Variants in CADM1 observed in about 807,000 individuals in gnomAD.
CADM1 encodes the protein cell adhesion molecule 1.
Under a neutral mutation model 53.1 loss-of-function variants are expected in CADM1, and 15 were observed. The ratio of observed to expected loss-of-function variants is 0.28; its 90% CI spans 0.19 to 0.44. The LOEUF is 0.44. Ranked by LOEUF, CADM1 falls within the 20% of genes least tolerant of loss-of-function variation. CADM1 has a pLI of 1.00. For synonymous variants in CADM1, 281 were observed against 243.0 expected (o/e 1.16, Z -1.45); for missense variants, 434 against 611.3 (o/e 0.71, Z 3.06).
chr11:115,423,211 A>G (rs1306385041), intron 1 of CADM1, among the ~76,000 whole-genome samples: 1 of 152,198 alleles, frequency 6.6e-6, no homozygotes, highest in East Asian at 1.9e-4. Flanking sequence ...CTACATTTCC[A>G]TTAAGTGACA....
chr11:115,440,536 C>T (rs1378879766), intron 1 of CADM1, among the ~76,000 whole-genome samples: 3 of 152,174 alleles, frequency 2.0e-5, no homozygotes, highest in African/African-American at 7.2e-5. Flanking sequence ...CAATAAGATG[C>T]TTTACTACTT....
intron 1 of CADM1, among the ~76,000 whole-genome samples, chr11:115,312,816 G>A (rs1021105543): frequency 7.9e-5 from 12 of 152,220 alleles, no homozygotes; most frequent in Middle Eastern, 3.4e-3. Context: ...TTGTGGGAAC[G>A]TAGCAGAAGA....
chr11:115,364,098 C>T (rs555764022), intron 1 of CADM1, among the ~76,000 whole-genome samples: 56 of 152,028 alleles, frequency 3.7e-4, no homozygotes, highest in Non-Finnish European at 7.5e-4. Context: ...TGCCTAACAA[C>T]GCATTTCTCA....
intron 1 of CADM1, among the ~76,000 whole-genome samples, chr11:115,438,384 T>C (rs17451087): frequency 0.13 from 19,063 of 152,130 alleles, 1,581 homozygotes; most frequent in Non-Finnish European, 0.18. Context: ...ACATCTACCT[T>C]GTGCGCACAC....
chr11:115,253,124 G>A (rs1288889754), intron 1 of CADM1, among the ~76,000 whole-genome samples: 3 of 152,192 alleles, frequency 2.0e-5, no homozygotes, highest in Middle Eastern at 3.4e-3. Context: ...ATCTCATAAC[G>A]TTTTAAGAAA....
In CADM1 at chr11:115,449,061, T is replaced by C. The variant is rs1254442027; in HGVS notation, c.124+55210A>G. 2.6e-5 allele frequency among the ~76,000 whole-genome samples: 4 copies of C among 152,280 alleles called. No individual in the cohort carries two copies. The East Asian group carries it at 7.7e-4, about 29-fold the overall frequency. ...AAGAGGGAAAAAATATCTCATCATC[T>C]TTTATGCAGGCACCTTGTCCAATTT... On this transcript the variant is annotated intron_variant, in intron 1 of 11. Transcript: ENST00000331581.
intron 8 of CADM1, among the ~76,000 whole-genome samples, chr11:115,206,401 T>G (rs1178147441): frequency 6.6e-6 from 1 of 152,082 alleles, no homozygotes; most frequent in Non-Finnish European, 1.5e-5. Flanking sequence ...CTCCCACCCA[T>G]GAGGGGTATG....
intron 1 of CADM1, among the ~76,000 whole-genome samples, chr11:115,252,101 A>C (rs574680512): frequency 6.6e-6 from 1 of 152,378 alleles, no homozygotes; most frequent in South Asian, 2.1e-4. Context: ...GCAGCTAAGA[A>C]GAAATGAGAC....
At chr11:115,282,836 G>C (rs1235943508) in intron 1 of CADM1, among the ~76,000 whole-genome samples, 1 of 152,142 alleles carries the variant, frequency 6.6e-6, no homozygotes, top group East Asian at 1.9e-4. Context: ...GTTATAAATG[G>C]GGACATGCTT....
chr11:115,320,159 C>T (rs1291966512), intron 1 of CADM1, among the ~76,000 whole-genome samples: 1 of 152,038 alleles, frequency 6.6e-6, no homozygotes, highest in Non-Finnish European at 1.5e-5. Flanking sequence ...AAATCCTGGC[C>T]TCAGGCGATC....
chr11:115,350,059 CCT>C (rs1945686267), intron 1 of CADM1, among the ~76,000 whole-genome samples: 1 of 152,158 alleles, frequency 6.6e-6, no homozygotes, highest in Non-Finnish European at 1.5e-5. Context: ...GCAACCTCCG[CCT>C]CTTGGGTTTA....
At chr11:115,220,524 G>C (rs1941364946) in intron 5 of CADM1, among the ~76,000 whole-genome samples, 1 of 151,984 alleles carries the variant, frequency 6.6e-6, no homozygotes, top group African/African-American at 2.4e-5. Context: ...ATCTACTTAT[G>C]GCTACAGCTG....
At chr11:115,183,348 T>C (rs536208130) in intron 10 of CADM1, among the ~76,000 whole-genome samples, 1 of 152,274 alleles carries the variant, frequency 6.6e-6, no homozygotes, top group South Asian at 2.1e-4. Context: ...CCACCTGGCA[T>C]GAGATGTGTA....
chr11:115,345,050 C>T (rs576124326), intron 1 of CADM1, among the ~76,000 whole-genome samples: 53 of 152,268 alleles, frequency 3.5e-4, no homozygotes, highest in African/African-American at 1.2e-3. Flanking sequence ...ATAAACTAAA[C>T]TGACAAAAAG....
At chr11:115,354,679 T>C (rs1364538265) in intron 1 of CADM1, among the ~76,000 whole-genome samples, 1 of 152,166 alleles carries the variant, frequency 6.6e-6, no homozygotes, top group African/African-American at 2.4e-5. Flanking sequence ...AGGGAGGTCA[T>C]GGGAAAGAGC....
chr11:115,502,538 G>A (rs1164340657), intron 1 of CADM1, among the ~76,000 whole-genome samples: 1 of 151,620 alleles, frequency 6.6e-6, no homozygotes, highest in Non-Finnish European at 1.5e-5. Flanking sequence ...TAACCACACC[G>A]GCATCGGCTG....
At position 115,169,966 on chromosome 11, in the gene CADM1, A is replaced by G. The variant is rs1478436529; in HGVS notation, c.*6508T>C. On this transcript the variant is annotated 3_prime_UTR_variant, in exon 12 of 12. Coordinates refer to ENST00000331581, the MANE Select transcript of CADM1 (RefSeq NM_001301043.2). ...CCAACACCAGCTCTGGAAGACTGAA[A>G]TATCAATTACGGATCAATTTTCCCC... is the stretch of plus-strand genomic sequence containing the variant. 4.9e-6 allele frequency: 1 copy of G among 202,138 alleles called. No individual in the cohort carries two copies. The highest frequency in any genetic ancestry group is 1.0e-5 in the Non-Finnish European group (1 of 97,486). The allele number at this position is 202,138 out of a possible 1,614,324, so 12.5% of individuals were successfully genotyped here.
intron 1 of CADM1, among the ~76,000 whole-genome samples, chr11:115,343,071 G>C (rs902581856): frequency 6.6e-6 from 1 of 152,114 alleles, no homozygotes; most frequent in Non-Finnish European, 1.5e-5. Context: ...TAATGAAAAT[G>C]ATTATCTTGT....
In CADM1 at chr11:115,446,422, G is replaced by C. The variant is rs1229192664; in HGVS notation, c.124+57849C>G. Among the ~76,000 whole-genome samples the C allele has an allele frequency of 2.6e-5, 4 of 152,134 alleles. No homozygotes were observed. The South Asian group carries it at 8.3e-4, about 32-fold the overall frequency. The stretch of plus-strand genomic sequence containing the variant: ...TGTAATCCAGCAACTACTTGCCAGG[G>C]ACAGGATCAGCAACTGAAGGCTCAC... On this transcript the variant is annotated intron_variant, in intron 1 of 11. Coordinates refer to ENST00000331581, the MANE Select transcript of CADM1 (RefSeq NM_001301043.2).
Sources: gnomAD v4.1 joint callset for allele counts (sites outside exome capture counted in the v4.1 genomes callset) on GRCh38, gnomAD v4.1.1 for gene constraint, MANE v1.5 for transcripts, NCBI Gene and HGNC (gene_info 2026-07-23, HGNC 2026-07-21) for gene names.